The following OR1J2 variants were observed in gnomAD, a reference collection of about 807,000 sequenced individuals.
OR1J2 encodes olfactory receptor family 1 subfamily J member 2, also known as olfactory receptor 1J2.
For missense variants in OR1J2, 304 were observed against 246.1 expected (o/e 1.24, Z -1.57); for synonymous variants, 142 against 99.7 (o/e 1.42, Z -2.52).
At chr9:122,580,125 T>A in the OR1J2 span, among the ~76,000 whole-genome samples, 3 of 152,188 alleles carry the variant, frequency 2.0e-5, no homozygotes, top group South Asian at 6.2e-4. Flanking sequence ...CAAATGCCTG[T>A]CAGCAATAAT....
At chr9:122,527,015 C>T in the OR1J2 span, 11 of 1,614,110 alleles carry the variant, frequency 6.8e-6, no homozygotes, top group South Asian at 4.4e-5. Flanking sequence ...TGAGGCAACC[C>T]GTATAGGAGA....
the OR1J2 span, among the ~76,000 whole-genome samples, chr9:122,490,632 T>C: frequency 6.6e-6 from 1 of 151,992 alleles, no homozygotes; most frequent in African/African-American, 2.4e-5. Flanking sequence ...AACAGAGGAA[T>C]AGGAAAAGAC....
the OR1J2 span, among the ~76,000 whole-genome samples, chr9:122,543,734 A>G: frequency 1.3e-5 from 2 of 152,156 alleles, no homozygotes; most frequent in African/African-American, 4.8e-5. Context: ...TCCTACCCAT[A>G]AGGTCTAACA....
upstream of OR1J2, among the ~76,000 whole-genome samples, chr9:122,508,822 A>G (rs1191270854): frequency 6.6e-6 from 1 of 152,224 alleles, no homozygotes; most frequent in Admixed American, 6.5e-5. Context: ...CACAAATGTT[A>G]TTATATCACA....
chr9:122,459,995 C>T, the OR1J2 span, among the ~76,000 whole-genome samples: 1 of 152,042 alleles, frequency 6.6e-6, no homozygotes, highest in Non-Finnish European at 1.5e-5. Context: ...ATTCTTATGC[C>T]TTTGCATCCT....
chr9:122,488,619 C>G, the OR1J2 span, among the ~76,000 whole-genome samples: 8 of 152,190 alleles, frequency 5.3e-5, no homozygotes, highest in African/African-American at 1.4e-4. Context: ...GGAACAGACT[C>G]AGGGCTCAAA....
chr9:122,526,913 G>C, the OR1J2 span: 122 of 1,614,052 alleles, frequency 7.6e-5, 1 homozygote, highest in South Asian at 1.3e-4. Flanking sequence ...AGTAGCAGAG[G>C]GGGTGGCAAA....
At chr9:122,494,565 T>C in the OR1J2 span, among the ~76,000 whole-genome samples, 6 of 152,182 alleles carry the variant, frequency 3.9e-5, no homozygotes, top group Non-Finnish European at 7.4e-5. Flanking sequence ...CTTAAGTGTA[T>C]GTGAGTCCTT....
the OR1J2 span, among the ~76,000 whole-genome samples, chr9:122,560,668 G>A: frequency 6.6e-6 from 1 of 152,136 alleles, no homozygotes; most frequent in Non-Finnish European, 1.5e-5. Context: ...ACTCTCTTCT[G>A]GCATGTAGGG....
downstream of OR1J2, among the ~76,000 whole-genome samples, chr9:122,516,689 C>G (rs1043975001): frequency 2.0e-5 from 3 of 152,024 alleles, no homozygotes; most frequent in African/African-American, 7.2e-5. Context: ...ATCCTAAATC[C>G]CATGGATTAA....
the OR1J2 span, among the ~76,000 whole-genome samples, chr9:122,536,063 C>T: frequency 1.3e-5 from 2 of 152,132 alleles, no homozygotes; most frequent in Non-Finnish European, 2.9e-5. Context: ...GGAATGTCAT[C>T]AGTTAAGGCA....
At chr9:122,496,328 G>A in the OR1J2 span, among the ~76,000 whole-genome samples, 19,190 of 152,030 alleles carry the variant, frequency 0.13, 1,411 homozygotes, top group East Asian at 0.23. Context: ...CTACAGGGTG[G>A]GTTGAGAAAG....
At chr9:122,529,507 C>T in the OR1J2 span, among the ~76,000 whole-genome samples, 12 of 152,318 alleles carry the variant, frequency 7.9e-5, no homozygotes, top group African/African-American at 2.6e-4. Context: ...CATCAGAAAA[C>T]TCCCCAAATC....
At chr9:122,533,845 A>G in the OR1J2 span, among the ~76,000 whole-genome samples, 114,588 of 151,974 alleles carry the variant, frequency 0.75, 43,755 homozygotes, top group East Asian at 1. Flanking sequence ...CCTGAAGCTC[A>G]GTGTCTGTGA....
chr9:122,517,746 T>C, the OR1J2 span, among the ~76,000 whole-genome samples: 2 of 151,918 alleles, frequency 1.3e-5, no homozygotes, highest in Non-Finnish European at 2.9e-5. Flanking sequence ...CCAGGGTACA[T>C]GTGCAGGATG....
chr9:122,528,799 A>G, the OR1J2 span, among the ~76,000 whole-genome samples: 1 of 152,214 alleles, frequency 6.6e-6, no homozygotes, highest in Non-Finnish European at 1.5e-5. Flanking sequence ...CTAAAGTTCA[A>G]AAGACCAAAG....
At chr9:122,526,639 T>C in the OR1J2 span, 2 of 1,613,848 alleles carry the variant, frequency 1.2e-6, no homozygotes, top group Non-Finnish European at 1.7e-6. Context: ...GCTGGCACAA[T>C]GTGGATGTAG....
the OR1J2 span, among the ~76,000 whole-genome samples, chr9:122,470,053 A>T: frequency 6.6e-6 from 1 of 152,266 alleles, no homozygotes; most frequent in Non-Finnish European, 1.5e-5. Context: ...TTTTCTGAGG[A>T]GAAATTCAAG....
At chr9:122,497,168 C>T in the OR1J2 span, among the ~76,000 whole-genome samples, 6 of 152,268 alleles carry the variant, frequency 3.9e-5, no homozygotes, top group Middle Eastern at 3.4e-3. Context: ...TTTGGCATCT[C>T]AGGGAGCCTG....
Sources: gnomAD v4.1 joint callset for allele counts (sites outside exome capture counted in the v4.1 genomes callset) on GRCh38, gnomAD v4.1.1 for gene constraint, MANE v1.5 for transcripts, NCBI Gene and HGNC (gene_info 2026-07-23, HGNC 2026-07-21) for gene names.